ZNF438: variants seen among roughly 807,000 people sequenced by gnomAD.
ZNF438 encodes the protein zinc finger protein 438.
Under a neutral mutation model 38.0 loss-of-function variants are expected in ZNF438, and 25 were observed. The ratio of observed to expected loss-of-function variants is 0.66; its 90% CI spans 0.48 to 0.92. ZNF438 has a LOEUF of 0.92. ZNF438 is among the 40% of genes least tolerant of loss of function. ZNF438 has a pLI of 0.00. For missense variants in ZNF438, 1,007 were observed against 999.6 expected, an observed-to-expected ratio of 1.01 and a Z score of -0.10; for synonymous variants, 372 against 364.1, an observed-to-expected ratio of 1.02 and a Z score of -0.25.
intron 1 of ZNF438, among the ~76,000 whole-genome samples, chr10:31,019,777 T>TA (rs2056460003): frequency 6.6e-6 from 1 of 152,230 alleles, no homozygotes; most frequent in African/African-American, 2.4e-5. Flanking sequence ...GGCCCATACT[T>TA]ACACTAAAAA....
intron 1 of ZNF438, among the ~76,000 whole-genome samples, chr10:30,956,668 A>G (rs2048899939): frequency 6.6e-6 from 1 of 152,200 alleles, no homozygotes; most frequent in Non-Finnish European, 1.5e-5. Flanking sequence ...TATTTCACTT[A>G]ATATAATGAC....
chr10:30,913,516 C>T (rs1378773991), intron 2 of ZNF438, among the ~76,000 whole-genome samples: 1 of 152,044 alleles, frequency 6.6e-6, no homozygotes, highest in Non-Finnish European at 1.5e-5. Context: ...CTTCTCTGGC[C>T]TCCCAGATGA....
chr10:30,853,583 T>C (rs1243509289), intron 4 of ZNF438, among the ~76,000 whole-genome samples: 1 of 152,222 alleles, frequency 6.6e-6, no homozygotes, highest in Non-Finnish European at 1.5e-5. Flanking sequence ...ATCGTTTCCT[T>C]CAAGGTTTTG....
intron 1 of ZNF438, among the ~76,000 whole-genome samples, chr10:30,995,226 A>G (rs1023733384): frequency 2.0e-5 from 3 of 152,224 alleles, no homozygotes; most frequent in African/African-American, 7.2e-5. Flanking sequence ...CTTGAGAGCC[A>G]AAGACAAGGA....
chr10:30,879,237 G>T (rs2038890537), intron 3 of ZNF438, among the ~76,000 whole-genome samples: 1 of 152,168 alleles, frequency 6.6e-6, no homozygotes, highest in Non-Finnish European at 1.5e-5. Context: ...AATCCACAAA[G>T]GAATGGGTAG....
chr10:30,895,698 T>C (rs2041238121), intron 3 of ZNF438, among the ~76,000 whole-genome samples: 1 of 152,182 alleles, frequency 6.6e-6, no homozygotes, highest in Non-Finnish European at 1.5e-5. Flanking sequence ...GCGAAGCATT[T>C]GTATAGACAT....
intron 3 of ZNF438, among the ~76,000 whole-genome samples, chr10:30,898,304 G>A (rs952395332): frequency 6.6e-6 from 1 of 152,158 alleles, no homozygotes; most frequent in African/African-American, 2.4e-5. Context: ...TCTAGGGAGA[G>A]AGGTGGTTCT....
chr10:30,910,988 CAT>C (rs1188324351), intron 2 of ZNF438, among the ~76,000 whole-genome samples: 1 of 151,944 alleles, frequency 6.6e-6, no homozygotes, highest in Non-Finnish European at 1.5e-5. Flanking sequence ...TAACTTAAAA[CAT>C]ATGAAAAATA....
intron 4 of ZNF438, among the ~76,000 whole-genome samples, chr10:30,874,103 G>GTGTGTGT (rs1564540418): frequency 5.9e-5 from 1 of 16,816 alleles, no homozygotes; most frequent in African/African-American, 3.6e-4. Flanking sequence ...GGTGTGTGGG[G>GTGTGTGT]GTGTGTGTGT....
At chr10:30,878,020 G>C (rs2038693547) in intron 3 of ZNF438, among the ~76,000 whole-genome samples, 1 of 152,164 alleles carries the variant, frequency 6.6e-6, no homozygotes, top group South Asian at 2.1e-4. Context: ...CAGAACATAT[G>C]AAACAATGTC....
intron 2 of ZNF438, among the ~76,000 whole-genome samples, chr10:30,938,159 C>T (rs896803689): frequency 6.6e-6 from 1 of 152,194 alleles, no homozygotes; most frequent in Non-Finnish European, 1.5e-5. Flanking sequence ...CCCCGCACCC[C>T]CATTGTTTCA....
intron 3 of ZNF438, 40 bp downstream of exon 4, chr10:30,908,893 G>C (rs769849666): frequency 6.6e-6 from 1 of 152,116 alleles, no homozygotes; most frequent in Non-Finnish European, 1.5e-5. Context: ...TAGAAATTAA[G>C]AGCACTACAT....
chr10:30,858,755 G>A lies in ZNF438; in HGVS notation c.38-8388C>T, dbSNP rs1588823877. On this transcript the variant is annotated intron_variant, in intron 4 of 5. Transcript: ENST00000413025. Reference sequence around the variant, plus strand: ...GATCTTGTATCCTGAATCTAGTTTAGTCCATTCTCCTTGACATACTTGTGT... The same window carrying A: ...GATCTTGTATCCTGAATCTAGTTTAATCCATTCTCCTTGACATACTTGTGT... Among the ~76,000 whole-genome samples the A allele has an allele frequency of 3.3e-5, 5 of 152,214 alleles. No homozygotes were observed. The South Asian group carries it at 1.0e-3, about 32-fold the overall frequency.
At position 31,015,166 on chromosome 10, in the gene ZNF438, TCTGTTA is replaced by T. The variant is rs567677416; in HGVS notation, c.-192+16661_-192+16666del. ...TACAGGCGTGAGCTACCATACCCAG[TCTGTTA>T]CTGTTATTGATCTTGTCATTATCAT... On this transcript the variant is annotated intron_variant, in intron 1 of 5. Coordinates refer to ENST00000413025, the Ensembl canonical transcript of ZNF438. Among the ~76,000 whole-genome samples the T allele has an allele frequency of 3.7e-3, 563 of 152,248 alleles. 4 individuals are homozygous for T. The highest frequency in any genetic ancestry group is 5.9e-3 in the Non-Finnish European group (403 of 68,020).
intron 5 of ZNF438, 135 bp downstream of exon 6, chr10:30,848,396 G>A: frequency 2.0e-6 from 2 of 997,508 alleles, no homozygotes; most frequent in Middle Eastern, 3.3e-4. Flanking sequence ...AGATCTAGGA[G>A]GTATACATAG....
intron 1 of ZNF438, among the ~76,000 whole-genome samples, chr10:30,950,524 A>T (rs1307482078): frequency 1.3e-5 from 2 of 152,060 alleles, no homozygotes; most frequent in Non-Finnish European, 2.9e-5. Flanking sequence ...AGAAAAAAAG[A>T]GAGAAGAATC....
chr10:30,947,891 C>T (rs1480011875), intron 1 of ZNF438, among the ~76,000 whole-genome samples: 2 of 152,224 alleles, frequency 1.3e-5, no homozygotes, highest in African/African-American at 4.8e-5. Context: ...GGCTCGCGCA[C>T]CCACTGACCT....
chr10:30,986,893 T>A (rs533455078), intron 1 of ZNF438, among the ~76,000 whole-genome samples: 1 of 152,284 alleles, frequency 6.6e-6, no homozygotes, highest in African/African-American at 2.4e-5. Context: ...TCAATTCTAT[T>A]TGTTTTTACA....
At chr10:30,877,168 A>G (rs1427243720) in intron 3 of ZNF438, 103 bp from the exon 5 acceptor site, 1 of 538,346 alleles carries the variant, frequency 1.9e-6, no homozygotes, top group Non-Finnish European at 3.1e-6. Context: ...AGTTTGTTTT[A>G]TAACTATATG....
Sources: allele counts gnomAD v4.1 joint callset (sites outside exome capture counted in the v4.1 genomes callset), GRCh38; gene constraint gnomAD v4.1.1; transcripts MANE v1.5; gene names NCBI Gene and HGNC (gene_info 2026-07-23, HGNC 2026-07-21).